The following ITGA2 variants were observed in gnomAD, a reference collection of about 807,000 sequenced individuals.
ITGA2 encodes the protein integrin subunit alpha 2, also known as integrin alpha-2.
In ITGA2, 101 loss-of-function variants were observed where a neutral mutation model predicts 146.3. The observed-to-expected ratio is 0.69, with a 90% CI of 0.59 to 0.81. ITGA2 has a LOEUF of 0.81. ITGA2 is among the 40% of genes least tolerant of loss of function. The pLI is 0.00. For synonymous variants in ITGA2, 477 were observed against 487.1 expected, an observed-to-expected ratio of 0.98 and a Z score of 0.27; for missense variants, 1,281 against 1,402.7, an observed-to-expected ratio of 0.91 and a Z score of 1.39.
chr5:53,082,558 G>A (rs184424279), intron 26 of ITGA2, among the ~76,000 whole-genome samples: 1 of 152,072 alleles, frequency 6.6e-6, no homozygotes, highest in Non-Finnish European at 1.5e-5. Flanking sequence ...TGGAAGAATT[G>A]AGTGGAAAGT....
chr5:53,086,871 A>C (rs1746179155), intron 27 of ITGA2, 81 bp from the exon 28 acceptor site: 2 of 1,119,260 alleles, frequency 1.8e-6, no homozygotes, highest in Non-Finnish European at 2.7e-6. Context: ...CCAGGAAATA[A>C]ATACATAAAT....
At chr5:53,067,348 G>A in intron 16 of ITGA2, 91 bp downstream of exon 16, 1 of 1,408,808 alleles carries the variant, frequency 7.1e-7, no homozygotes, top group South Asian at 1.2e-5. Context: ...TAGGCCAAGA[G>A]AAATAAGGGT....
chr5:53,059,989 A>G lies in ITGA2; in HGVS notation c.1289A>G (p.Asp430Gly), dbSNP rs1163331202. Residue 430 changes from aspartate to glycine, a missense_variant, in exon 11 of 30, where the codon GAC (aspartate) becomes GGC (glycine). By Grantham distance (94) the Asp-to-Gly change is moderately conservative (BLOSUM62 -1). Around this residue, in one of 3 missense-constraint regions of ITGA2, gnomAD observed 795 missense variants for 841.7 expected, o/e 0.94. Transcript: ENST00000296585. ...CAAGCCTTTGACCAAATTCTGCAGG[A>G]CAGAAATCACAGTTCATATTTAGGT... ...PKQAFDQILQ[D>G]RNHSSYLGYS... 1 of 1,612,286 alleles carries G rather than the reference A, an allele frequency of 6.2e-7. No homozygotes were observed. The highest frequency in any genetic ancestry group is 1.7e-4 in the Middle Eastern group (1 of 6,050).
chr5:53,029,349 C>G (rs1233581547), intron 2 of ITGA2, among the ~76,000 whole-genome samples: 3 of 152,152 alleles, frequency 2.0e-5, no homozygotes, highest in Non-Finnish European at 4.4e-5. Context: ...GTGTCAGCCT[C>G]TCTCCTATTA....
At chr5:53,000,745 A>G (rs1741535174) in intron 1 of ITGA2, among the ~76,000 whole-genome samples, 1 of 152,122 alleles carries the variant, frequency 6.6e-6, no homozygotes, top group Non-Finnish European at 1.5e-5. Context: ...TTGTAAAGTT[A>G]GTGCTGGTTC....
chr5:53,016,721 C>T (rs1190940961), intron 1 of ITGA2, among the ~76,000 whole-genome samples: 1 of 152,148 alleles, frequency 6.6e-6, no homozygotes, highest in African/African-American at 2.4e-5. Context: ...TTCAGGGATA[C>T]CAATGAATCA....
intron 4 of ITGA2, among the ~76,000 whole-genome samples, chr5:53,047,731 A>G (rs3212478): frequency 0.27 from 41,770 of 152,080 alleles, 5,820 homozygotes; most frequent in Admixed American, 0.32. Flanking sequence ...ATTCACCATG[A>G]TGTCTATACC....
chr5:53,088,243 AAGC>A (rs1397148919), intron 28 of ITGA2, among the ~76,000 whole-genome samples: 1 of 152,204 alleles, frequency 6.6e-6, no homozygotes, highest in Non-Finnish European at 1.5e-5. Flanking sequence ...TGTTTTTAGA[AAGC>A]AGTATTAAAT....
intron 2 of ITGA2, among the ~76,000 whole-genome samples, chr5:53,034,668 C>CT (rs1328277506): frequency 1.3e-5 from 2 of 152,088 alleles, no homozygotes; most frequent in Non-Finnish European, 2.9e-5. Flanking sequence ...GTGTGAATAT[C>CT]TGTTTCTGGA....
intron 23 of ITGA2, among the ~76,000 whole-genome samples, chr5:53,075,619 A>G (rs1447700412): frequency 1.3e-5 from 2 of 151,698 alleles, no homozygotes; most frequent in Non-Finnish European, 2.9e-5. Context: ...TTGAAACAGA[A>G]CTCTCAAAGG....
intron 4 of ITGA2, among the ~76,000 whole-genome samples, chr5:53,048,079 T>C (rs1032584729): frequency 5.9e-5 from 9 of 152,172 alleles, no homozygotes; most frequent in African/African-American, 2.2e-4. Context: ...ACCTGTTTTA[T>C]CTAGCTTGTT....
intron 1 of ITGA2, among the ~76,000 whole-genome samples, chr5:53,020,848 ATTTTTTT>A (rs532121575): frequency 6.7e-5 from 9 of 133,408 alleles, no homozygotes; most frequent in African/African-American, 1.7e-4. Flanking sequence ...TGTCCGGCTA[ATTTTTTT>A]TTTTTTTTTT....
intron 7 of ITGA2, among the ~76,000 whole-genome samples, chr5:53,053,868 G>A (rs1240891682): frequency 6.6e-6 from 1 of 152,020 alleles, no homozygotes; most frequent in Non-Finnish European, 1.5e-5. Context: ...TTCATTCAAT[G>A]CCTACAGTTG....
intron 2 of ITGA2, among the ~76,000 whole-genome samples, chr5:53,037,795 G>A (rs1743560363): frequency 6.6e-6 from 1 of 152,102 alleles, no homozygotes; most frequent in African/African-American, 2.4e-5. Flanking sequence ...TATATGATGA[G>A]GAAACCCTTG....
intron 2 of ITGA2, among the ~76,000 whole-genome samples, chr5:53,039,469 C>T (rs1203419483): frequency 1.3e-5 from 2 of 152,064 alleles, no homozygotes; most frequent in African/African-American, 2.4e-5. Flanking sequence ...AAAATACATG[C>T]TCCCCAGAAG....
chr5:53,057,166 T>G (rs529917464), intron 9 of ITGA2, among the ~76,000 whole-genome samples: 1 of 152,122 alleles, frequency 6.6e-6, no homozygotes, highest in East Asian at 1.9e-4. Flanking sequence ...TGAGAACAAT[T>G]GCAATCTACA....
intron 2 of ITGA2, among the ~76,000 whole-genome samples, chr5:53,029,492 C>T (rs1272321433): frequency 3.3e-5 from 5 of 152,094 alleles, no homozygotes; most frequent in Non-Finnish European, 1.5e-5. Context: ...AAGAGTCTTC[C>T]CTAAGATCAT....
chr5:53,015,430 C>A (rs1344452617), intron 1 of ITGA2, among the ~76,000 whole-genome samples: 2 of 150,812 alleles, frequency 1.3e-5, no homozygotes, highest in Middle Eastern at 3.4e-3. Flanking sequence ...GTATTGATTT[C>A]TATTTTTATT....
chr5:53,033,128 G>T (rs888038108), intron 2 of ITGA2, among the ~76,000 whole-genome samples: 3 of 152,102 alleles, frequency 2.0e-5, no homozygotes, highest in African/African-American at 7.2e-5. Flanking sequence ...AATTAGCAGG[G>T]CGTGGTGGCA....
Sources: allele counts gnomAD v4.1 joint callset (sites outside exome capture counted in the v4.1 genomes callset), GRCh38; gene constraint gnomAD v4.1.1; regional missense constraint gnomAD v4.1.1; transcripts MANE v1.5; gene names NCBI Gene and HGNC (gene_info 2026-07-23, HGNC 2026-07-21).